The following ZMIZ1 variants were observed in gnomAD, a reference collection of about 807,000 sequenced individuals.
ZMIZ1 encodes the protein zinc finger MIZ domain-containing protein 1.
Under a neutral mutation model 113.9 loss-of-function variants are expected in ZMIZ1, and 17 were observed. That is an observed-to-expected ratio of 0.15 (90% CI 0.10 to 0.22). The LOEUF is 0.22. Ranked by LOEUF, ZMIZ1 falls within the 10% of genes least tolerant of loss-of-function variation. ZMIZ1 has a pLI of 1.00. For missense variants in ZMIZ1, 1,059 were observed against 1,477.8 expected, an observed-to-expected ratio of 0.72 and a Z score of 4.65; for synonymous variants, 607 against 603.1, an observed-to-expected ratio of 1.01 and a Z score of -0.09.
At chr10:79,196,425 G>A (rs1484299419) in intron 4 of ZMIZ1, among the ~76,000 whole-genome samples, 3 of 152,210 alleles carry the variant, frequency 2.0e-5, no homozygotes, top group African/African-American at 4.8e-5. Context: ...ACACTGATGG[G>A]CCCCAGGCTC....
chr10:79,255,638 T>G (rs913755052), intron 7 of ZMIZ1, among the ~76,000 whole-genome samples: 1 of 152,162 alleles, frequency 6.6e-6, no homozygotes, highest in Non-Finnish European at 1.5e-5. Flanking sequence ...TGCCTATCTC[T>G]GTCTCTGCAT....
intron 4 of ZMIZ1, among the ~76,000 whole-genome samples, chr10:79,180,431 C>T (rs1847068950): frequency 6.6e-6 from 1 of 152,184 alleles, no homozygotes; most frequent in Non-Finnish European, 1.5e-5. Flanking sequence ...TTCCCTGATA[C>T]CAAAATGAAC....
intron 5 of ZMIZ1, among the ~76,000 whole-genome samples, chr10:79,207,032 T>C (rs1202770031): frequency 6.6e-6 from 1 of 152,230 alleles, no homozygotes; most frequent in Non-Finnish European, 1.5e-5. Context: ...CAGATGAGGC[T>C]ACTGAGGCTC....
chr10:79,314,961 C>G lies in ZMIZ1; in HGVS notation c.*2212C>G, dbSNP rs909586883. 1.2e-4 allele frequency: 18 copies of G among 152,820 alleles called. No individual in the cohort carries two copies. Among genetic ancestry groups the G allele is most frequent in the African/African-American group, 4.3e-4 (18 of 41,580 alleles). 9.5% of individuals were successfully genotyped at this position (152,820 alleles called of 1,614,324 possible). A position where few individuals can be genotyped will look rare whatever the true frequency, so the allele number is the denominator to read the frequency against. ...CTTCCTTAGGAGTTCTTGCTTCTTG[C>G]GTTGATACTTTGCCCCAGAAAGGCC... On this transcript the variant is annotated 3_prime_UTR_variant, in exon 25 of 25. Coordinates refer to ENST00000334512, the MANE Select transcript of ZMIZ1 (RefSeq NM_020338.4).
At chr10:79,095,596 G>T (rs1240327887) in intron 1 of ZMIZ1, among the ~76,000 whole-genome samples, 1 of 152,106 alleles carries the variant, frequency 6.6e-6, no homozygotes, top group Non-Finnish European at 1.5e-5. Context: ...GCAGATCTAT[G>T]CTGCTTCCCA....
chr10:79,268,408 T>A (rs1442677907), intron 7 of ZMIZ1, among the ~76,000 whole-genome samples: 3 of 152,210 alleles, frequency 2.0e-5, no homozygotes, highest in African/African-American at 7.2e-5. Context: ...CCCCCAGGAA[T>A]GGGGAGCTGC....
At chr10:79,148,366 G>A (rs1343384660) in intron 3 of ZMIZ1, among the ~76,000 whole-genome samples, 8 of 152,186 alleles carry the variant, frequency 5.3e-5, no homozygotes, top group Non-Finnish European at 1.2e-4. Context: ...AGGAAGCTTA[G>A]GCGTACTTCC....
intron 1 of ZMIZ1, among the ~76,000 whole-genome samples, chr10:79,092,228 G>T (rs1843004822): frequency 6.6e-6 from 1 of 152,230 alleles, no homozygotes; most frequent in African/African-American, 2.4e-5. Flanking sequence ...GAGACACAGG[G>T]AGGGGAAGTT....
intron 1 of ZMIZ1, among the ~76,000 whole-genome samples, chr10:79,079,271 G>C (rs999677111): frequency 6.6e-6 from 1 of 152,262 alleles, no homozygotes; most frequent in African/African-American, 2.4e-5. Context: ...GAAGGGGTTT[G>C]TTTCACCCAT....
chr10:79,089,662 G>C (rs1003941492), intron 1 of ZMIZ1, among the ~76,000 whole-genome samples: 1 of 152,074 alleles, frequency 6.6e-6, no homozygotes, highest in African/African-American at 2.4e-5. Context: ...TGTCAGTTCC[G>C]AGGGCCACTG....
chr10:79,298,298 A>G, intron 14 of ZMIZ1, 108 bp from the exon 15 acceptor site: 1 of 1,268,686 alleles, frequency 7.9e-7, no homozygotes, highest in South Asian at 1.5e-5. Flanking sequence ...TCTCCTCCCG[A>G]GGGGCATGGC....
intron 1 of ZMIZ1, among the ~76,000 whole-genome samples, chr10:79,086,495 A>G (rs1842817041): frequency 6.6e-6 from 1 of 152,164 alleles, no homozygotes; most frequent in African/African-American, 2.4e-5. Context: ...CAGCATATAG[A>G]ATCCTTTTTA....
chr10:79,127,213 C>T (rs751940994), intron 2 of ZMIZ1, among the ~76,000 whole-genome samples: 5 of 152,220 alleles, frequency 3.3e-5, no homozygotes, highest in Non-Finnish European at 5.9e-5. Context: ...GCTGCCGGCG[C>T]TCTGGGTGCC....
intron 12 of ZMIZ1, chr10:79,294,563 G>T (rs1339890720): frequency 6.6e-6 from 1 of 152,278 alleles, no homozygotes; most frequent in East Asian, 1.9e-4. Flanking sequence ...TAAATCCTCA[G>T]AAAATGATGC....
chr10:79,284,317 T>G (rs1004334375), intron 8 of ZMIZ1, among the ~76,000 whole-genome samples: 1 of 152,218 alleles, frequency 6.6e-6, no homozygotes, highest in African/African-American at 2.4e-5. Context: ...TTGGTTCTGC[T>G]TAGGAGGGTC....
intron 7 of ZMIZ1, among the ~76,000 whole-genome samples, chr10:79,267,558 A>C (rs541378148): frequency 6.6e-6 from 1 of 152,322 alleles, no homozygotes; most frequent in African/African-American, 2.4e-5. Context: ...ATTTTGCAGA[A>C]GGGAAAACCA....
At chr10:79,119,522 C>A (rs1250231069) in intron 2 of ZMIZ1, among the ~76,000 whole-genome samples, 1 of 152,214 alleles carries the variant, frequency 6.6e-6, no homozygotes, top group Non-Finnish European at 1.5e-5. Context: ...CCCCAGGCGG[C>A]ACACCTGGCT....
rs1554825462 is a variant in ZMIZ1, at chr10:79,269,484, C to CACACACAT, written c.281-7691_281-7690insATACACAC. Among the ~76,000 whole-genome samples the CACACACAT allele has an allele frequency of 5.1e-4, 76 of 148,294 alleles. 1 individual carries two copies. The highest frequency in any genetic ancestry group is 2.8e-3 in the Admixed American group (42 of 14,790). ...ACACACACACACACACACACACACA[C>CACACACAT]ACACACTTTCTCTGTTCTCCAGCAG... On this transcript the variant is annotated intron_variant, in intron 7 of 24. Coordinates refer to ENST00000334512, the MANE Select transcript of ZMIZ1 (RefSeq NM_020338.4).
At chr10:79,181,834 C>G (rs4319453) in intron 4 of ZMIZ1, among the ~76,000 whole-genome samples, 1 of 152,232 alleles carries the variant, frequency 6.6e-6, no homozygotes, top group Non-Finnish European at 1.5e-5. Context: ...GACTTGGCGG[C>G]TGCATGTCCC....
Sources: allele counts gnomAD v4.1 joint callset (sites outside exome capture counted in the v4.1 genomes callset), GRCh38; gene constraint gnomAD v4.1.1; transcripts MANE v1.5; gene names NCBI Gene and HGNC (gene_info 2026-07-23, HGNC 2026-07-21).